The following RMND1 variants were observed in gnomAD, a reference collection of about 807,000 sequenced individuals.
RMND1 encodes the protein required for meiotic nuclear division protein 1 homolog.
In RMND1, 41 loss-of-function variants were observed where a neutral mutation model predicts 54.0. The observed-to-expected ratio is 0.76, with a 90% CI of 0.59 to 0.98. The LOEUF is 0.98. RMND1 is among the 50% of genes least tolerant of loss of function. The pLI, the probability that RMND1 is intolerant of heterozygous loss-of-function variation, is 0.00. For missense variants in RMND1, 457 were observed against 532.0 expected, an observed-to-expected ratio of 0.86 and a Z score of 1.39; for synonymous variants, 183 against 181.7, an observed-to-expected ratio of 1.01 and a Z score of -0.06.
chr6:151,417,457 A>G, intron 9 of RMND1, 58 bp from the exon 10 acceptor site: 2 of 1,367,834 alleles, frequency 1.5e-6, no homozygotes, highest in Non-Finnish European at 2.0e-6. Context: ...CATTGTTTCT[A>G]TTGTATTTAA....
At chr6:151,435,848 T>A (rs1414871043) in intron 3 of RMND1, among the ~76,000 whole-genome samples, 2 of 150,900 alleles carry the variant, frequency 1.3e-5, no homozygotes, top group Non-Finnish European at 3.0e-5. Flanking sequence ...CTCAAACCTG[T>A]AATCCCAGCA....
intron 3 of RMND1, among the ~76,000 whole-genome samples, chr6:151,433,893 G>T (rs958376892): frequency 6.6e-6 from 1 of 150,662 alleles, no homozygotes; most frequent in Non-Finnish European, 1.5e-5. Context: ...GAAGCGCAGT[G>T]CCATGATCTC....
chr6:151,412,673 G>A (rs954073611), intron 10 of RMND1, among the ~76,000 whole-genome samples: 5 of 152,168 alleles, frequency 3.3e-5, no homozygotes, highest in Admixed American at 6.5e-5. Flanking sequence ...TGTTCTACAG[G>A]AAGCATGATG....
chr6:151,428,820 TACC>T (rs1393042938), intron 5 of RMND1, among the ~76,000 whole-genome samples: 1 of 152,082 alleles, frequency 6.6e-6, no homozygotes, highest in African/African-American at 2.4e-5. Context: ...AGGTATGAGT[TACC>T]ACACCTGGCC....
chr6:151,448,541 C>G (rs1781028626), intron 1 of RMND1, among the ~76,000 whole-genome samples: 1 of 152,180 alleles, frequency 6.6e-6, no homozygotes, highest in African/African-American at 2.4e-5. Context: ...CAGCTTGACT[C>G]TTTATTCTCC....
At chr6:151,416,524 A>T (rs572199442) in intron 10 of RMND1, 39 of 150,078 alleles carry the variant, frequency 2.6e-4, no homozygotes, top group African/African-American at 9.6e-4. Context: ...CCTGGGTTCA[A>T]GTGATTCTCC....
intron 9 of RMND1, among the ~76,000 whole-genome samples, chr6:151,419,021 CG>C (rs1327172910): frequency 6.6e-6 from 1 of 151,884 alleles, no homozygotes; most frequent in Non-Finnish European, 1.5e-5. Flanking sequence ...CCACTGGCCT[CG>C]GCCTCCCAAA....
intron 1 of RMND1, among the ~76,000 whole-genome samples, chr6:151,446,922 C>T (rs548030318): frequency 6.6e-6 from 1 of 151,658 alleles, no homozygotes; most frequent in Admixed American, 6.6e-5. Flanking sequence ...AAAGTTAGAC[C>T]GTAGTAATCA....
intron 8 of RMND1, among the ~76,000 whole-genome samples, chr6:151,421,522 T>C (rs933882547): frequency 2.6e-5 from 4 of 152,184 alleles, no homozygotes; most frequent in Non-Finnish European, 4.4e-5. Flanking sequence ...ATTCTCTTTT[T>C]TCATTTCCCT....
chr6:151,442,319 C>T (rs374891224), intron 2 of RMND1, among the ~76,000 whole-genome samples: 2 of 152,110 alleles, frequency 1.3e-5, no homozygotes, highest in East Asian at 1.9e-4. Flanking sequence ...CCAGTATTTA[C>T]GTTTATCATG....
In RMND1 at chr6:151,415,821, A is replaced by G. The variant is rs1267677781; in HGVS notation, c.1200+1458T>C. ...AAAAAAAAAAAAAAAAAAGTCACAT[A>G]CTGTATGACTATCTATATAACATCC... On this transcript the variant is annotated intron_variant, in intron 10 of 11. Coordinates refer to ENST00000444024, the MANE Select transcript of RMND1 (RefSeq NM_017909.4). Among the ~76,000 whole-genome samples, 3 of 149,536 alleles carry G rather than the reference A, an allele frequency of 2.0e-5. No homozygotes were observed. The South Asian group carries it at 6.3e-4, about 32-fold the overall frequency.
intron 5 of RMND1, among the ~76,000 whole-genome samples, chr6:151,428,631 G>A (rs868460164): frequency 6.6e-5 from 10 of 152,076 alleles, no homozygotes; most frequent in Middle Eastern, 3.4e-3. Flanking sequence ...TCCTGGGTTC[G>A]AGCGATCCCC....
intron 2 of RMND1, chr6:151,444,332 C>T (rs576743612): frequency 6.6e-6 from 1 of 152,366 alleles, no homozygotes; most frequent in South Asian, 2.1e-4. Flanking sequence ...AGTAGCTGCA[C>T]AACACTTCAT....
chr6:151,440,652 C>T (rs2114964767), intron 2 of RMND1, among the ~76,000 whole-genome samples: 1 of 152,308 alleles, frequency 6.6e-6, no homozygotes, highest in Non-Finnish European at 1.5e-5. Context: ...TGGTTTGCTA[C>T]ACTACTTTCT....
chr6:151,450,314 G>T (rs572234313), intron 1 of RMND1, among the ~76,000 whole-genome samples: 1 of 149,306 alleles, frequency 6.7e-6, no homozygotes, highest in African/African-American at 2.4e-5. Flanking sequence ...TCTGAGAAGT[G>T]AGGAGACCCT....
At chr6:151,449,370 A>G (rs1279642631) in intron 1 of RMND1, among the ~76,000 whole-genome samples, 12 of 87,884 alleles carry the variant, frequency 1.4e-4, no homozygotes, top group African/African-American at 9.4e-5. Flanking sequence ...TTCTGTAACG[A>G]AAAAAAAAAA....
chr6:151,409,085 C>G (rs533829519), intron 10 of RMND1, among the ~76,000 whole-genome samples: 1 of 152,300 alleles, frequency 6.6e-6, no homozygotes, highest in East Asian at 1.9e-4. Context: ...AGACATGTGT[C>G]TGTCTTGCAG....
In RMND1 at chr6:151,421,294, G is replaced by C. The variant is rs1423151042; in HGVS notation, c.1030C>G (p.Leu344Val). ...EALKAGKKVK[L>V]SHEEVMQKIG... The stretch of plus-strand genomic sequence containing the variant: ...TTCTGCATAACTTCTTCATGAGATA[G>C]TTTCACTTTCTTCCCAGCTTTTAAA... The change falls in exon 9 of 12, where the codon CTA (leucine) becomes GTA (valine). Residue 344 changes from leucine (L) to valine (V), a missense_variant. By Grantham distance (32) the Leu-to-Val change is conservative (BLOSUM62 1). Coordinates refer to ENST00000444024, the MANE Select transcript of RMND1 (RefSeq NM_017909.4). The C allele has an allele frequency of 3.7e-6, 6 of 1,612,648 alleles. No individual in the cohort carries two copies. In the East Asian group the frequency reaches 1.1e-4, roughly 30 times the overall value.
intron 7 of RMND1, 56 bp from the exon 8 acceptor site, chr6:151,422,661 A>G (rs185461246): frequency 4.7e-5 from 37 of 793,976 alleles, no homozygotes; most frequent in Non-Finnish European, 6.8e-5. Context: ...ACATGTATAT[A>G]AAATACATAA....
Sources: allele counts gnomAD v4.1 joint callset (sites outside exome capture counted in the v4.1 genomes callset), GRCh38; gene constraint gnomAD v4.1.1; transcripts MANE v1.5; gene names NCBI Gene and HGNC (gene_info 2026-07-23, HGNC 2026-07-21).